The following SGIP1 variants were observed in gnomAD, a reference collection of about 807,000 sequenced individuals.
The protein encoded by SGIP1 is SH3-containing GRB2-like protein 3-interacting protein 1.
In SGIP1, 38 loss-of-function variants were observed where a neutral mutation model predicts 107.5. The ratio of observed to expected loss-of-function variants is 0.35; its 90% CI spans 0.27 to 0.46. The LOEUF is 0.46. Among genes scored for constraint, SGIP1 ranks in the 20% least tolerant of loss-of-function variants. The pLI is 1.00. For missense variants in SGIP1, 929 were observed against 1,019.5 expected (o/e 0.91, Z 1.21); for synonymous variants, 365 against 366.1 (o/e 1.00, Z 0.03).
chr1:66,681,821 A>G (rs1310807380), intron 14 of SGIP1, 48 bp from the exon 15 acceptor site: 1 of 1,554,748 alleles, frequency 6.4e-7, no homozygotes, highest in South Asian at 1.2e-5. Context: ...CACTCCCCAC[A>G]CAAATAATAA....
intron 7 of SGIP1, among the ~76,000 whole-genome samples, chr1:66,649,103 A>T (rs1415364527): frequency 6.6e-6 from 1 of 152,178 alleles, no homozygotes; most frequent in South Asian, 2.1e-4. Context: ...ACCTAACAGC[A>T]TACTGTGTTT....
chr1:66,699,354 AC>A (rs2091522529), intron 18 of SGIP1, among the ~76,000 whole-genome samples: 2 of 152,178 alleles, frequency 1.3e-5, no homozygotes, highest in South Asian at 4.2e-4. Context: ...TTAACAGTTG[AC>A]TGCAGAGCAG....
At chr1:66,665,863 G>A (rs2082423616) in intron 8 of SGIP1, 1 of 152,168 alleles carries the variant, frequency 6.6e-6, no homozygotes, top group Admixed American at 6.5e-5. Context: ...TGTAGATTCT[G>A]GATATTAGCC....
Position 66,675,541 on chromosome 1 carries a change from C to CTTTTTTTTTTTTTTTTTTTTTTTTT in SGIP1, c.647-1445_647-1444insTTTTTTTTTTTTTTTTTTTTTTTTT, listed in dbSNP as rs71242802. The stretch of plus-strand genomic sequence containing the variant: ...GTTGTTTTTCTTTTTCTTTTTCTTT[C>CTTTTTTTTTTTTTTTTTTTTTTTTT]TTTTTTTTTTTTTTTTTTGACAGAA... On this transcript the variant is annotated intron_variant, in intron 12 of 24. Coordinates refer to ENST00000371037, the MANE Select transcript of SGIP1 (RefSeq NM_032291.4). 4.4e-5 allele frequency among the ~76,000 whole-genome samples: 5 copies of CTTTTTTTTTTTTTTTTTTTTTTTTT among 112,392 alleles called. 1 individual carries two copies. The highest frequency in any genetic ancestry group is 6.7e-5 in the Non-Finnish European group (4 of 59,814). The allele number at this position is 112,392 out of a possible 152,430, so 73.7% of individuals were successfully genotyped here.
chr1:66,589,339 T>G (rs2063242012), intron 1 of SGIP1, among the ~76,000 whole-genome samples: 1 of 149,018 alleles, frequency 6.7e-6, no homozygotes, highest in African/African-American at 2.5e-5. Flanking sequence ...TAGACTTTGT[T>G]TTCTTAAATA....
At chr1:66,595,187 C>T (rs1040832069) in intron 1 of SGIP1, among the ~76,000 whole-genome samples, 2 of 152,196 alleles carry the variant, frequency 1.3e-5, no homozygotes, top group Non-Finnish European at 2.9e-5. Flanking sequence ...TTTCAGCTGG[C>T]ATGACCTTTC....
At chr1:66,597,686 C>T (rs922735922) in intron 1 of SGIP1, among the ~76,000 whole-genome samples, 5 of 152,134 alleles carry the variant, frequency 3.3e-5, no homozygotes, top group African/African-American at 1.2e-4. Flanking sequence ...TTGCCATTGA[C>T]ACAAGATGGA....
chr1:66,544,523 C>A (rs1169133532), intron 1 of SGIP1, among the ~76,000 whole-genome samples: 9 of 152,058 alleles, frequency 5.9e-5, no homozygotes, highest in Admixed American at 5.9e-4. Context: ...CCTGCCTCTA[C>A]TAAAATTACA....
intron 7 of SGIP1, chr1:66,660,242 A>AGGGG (rs1380247956): frequency 2.8e-6 from 1 of 355,164 alleles, no homozygotes; most frequent in Non-Finnish European, 4.8e-6. Context: ...GGAGGGAGGG[A>AGGGG]GGGAGGGAGG....
intron 19 of SGIP1, among the ~76,000 whole-genome samples, chr1:66,723,064 G>A (rs2093612756): frequency 1.3e-5 from 2 of 152,142 alleles, no homozygotes; most frequent in African/African-American, 2.4e-5. Flanking sequence ...ACTTATAAAT[G>A]AATCATGAAA....
At chr1:66,684,816 A>AT (rs765876001) in intron 15 of SGIP1, among the ~76,000 whole-genome samples, 2 of 152,200 alleles carry the variant, frequency 1.3e-5, no homozygotes, top group Non-Finnish European at 2.9e-5. Flanking sequence ...TTTTGTTGTG[A>AT]TTTTAATGTT....
At chr1:66,621,392 G>A (rs1324233650) in intron 1 of SGIP1, among the ~76,000 whole-genome samples, 1 of 152,006 alleles carries the variant, frequency 6.6e-6, no homozygotes, top group Non-Finnish European at 1.5e-5. Flanking sequence ...GTCCTCCCTT[G>A]TCACAGAATA....
chr1:66,743,177 A>G lies in SGIP1; in HGVS notation c.*82A>G. On this transcript the variant is annotated 3_prime_UTR_variant, in exon 25 of 25. Transcript: ENST00000371037. ...AACAGATTTTAATTTTGGTTTGATG[A>G]AAACAAACCAATATCTGCACTTGGG... is the stretch of plus-strand genomic sequence containing the variant. 1 of 1,430,136 alleles carries G rather than the reference A, an allele frequency of 7.0e-7. No homozygotes were observed. Among genetic ancestry groups the G allele is most frequent in the Non-Finnish European group, 9.8e-7 (1 of 1,021,878 alleles). The allele number at this position is 1,430,136 out of a possible 1,614,324, so 88.6% of individuals were successfully genotyped here. A position where few individuals can be genotyped will look rare whatever the true frequency, so the allele number is the denominator to read the frequency against.
chr1:66,713,005 A>G (rs1451003821), intron 18 of SGIP1, among the ~76,000 whole-genome samples: 3 of 152,132 alleles, frequency 2.0e-5, no homozygotes, highest in African/African-American at 7.2e-5. Context: ...GGGGTATCAC[A>G]AACACGTTAT....
At chr1:66,555,052 T>C (rs779082736) in intron 1 of SGIP1, among the ~76,000 whole-genome samples, 8 of 152,138 alleles carry the variant, frequency 5.3e-5, no homozygotes, top group Non-Finnish European at 1.0e-4. Flanking sequence ...CCAAGTACTA[T>C]CAGTGCTCTA....
intron 18 of SGIP1, among the ~76,000 whole-genome samples, chr1:66,700,630 TC>T (rs35375297): frequency 0.13 from 19,286 of 152,172 alleles, 1,904 homozygotes; most frequent in East Asian, 0.51. Context: ...TGTATAATAA[TC>T]AAATCAGAGT....
intron 17 of SGIP1, 167 bp from the exon 18 acceptor site, chr1:66,695,267 A>AAAAG (rs2090670808): frequency 1.5e-6 from 2 of 1,329,046 alleles, no homozygotes; most frequent in East Asian, 5.7e-5. Context: ...AAAAAAAAAA[A>AAAAG]AAAAGTGTAG....
At chr1:66,548,883 A>G (rs942013776) in intron 1 of SGIP1, among the ~76,000 whole-genome samples, 2 of 152,148 alleles carry the variant, frequency 1.3e-5, no homozygotes, top group African/African-American at 4.8e-5. Context: ...GCCAAAACTT[A>G]CTATGCCCTA....
intron 15 of SGIP1, among the ~76,000 whole-genome samples, chr1:66,685,589 T>C (rs1218774377): frequency 6.6e-6 from 1 of 152,196 alleles, no homozygotes; most frequent in Non-Finnish European, 1.5e-5. Flanking sequence ...AGATGTTATA[T>C]GCAAACACAC....
Sources: allele counts gnomAD v4.1 joint callset (sites outside exome capture counted in the v4.1 genomes callset), GRCh38; gene constraint gnomAD v4.1.1; transcripts MANE v1.5; gene names NCBI Gene and HGNC (gene_info 2026-07-23, HGNC 2026-07-21).